The following ERC2 variants were observed in gnomAD, a reference collection of about 807,000 sequenced individuals.
The protein encoded by ERC2 is ERC protein 2.
A neutral mutation model predicts 114.8 loss-of-function variants in ERC2; 42 were observed. That is an observed-to-expected ratio of 0.37 (90% CI 0.29 to 0.47). ERC2 has a LOEUF of 0.47. Among genes scored for constraint, ERC2 ranks in the 20% least tolerant of loss-of-function variants. The pLI is 0.99. For missense variants in ERC2, 939 were observed against 1,150.7 expected, an observed-to-expected ratio of 0.82 and a Z score of 2.66; for synonymous variants, 454 against 425.5, an observed-to-expected ratio of 1.07 and a Z score of -0.82.
chr3:56,216,681 A>T (rs1360101533), intron 3 of ERC2, among the ~76,000 whole-genome samples: 2 of 152,190 alleles, frequency 1.3e-5, no homozygotes, highest in African/African-American at 4.8e-5. Context: ...TGGCAGAGAC[A>T]CAACAAAAAA....
chr3:55,675,241 A>G (rs944588757), intron 17 of ERC2, among the ~76,000 whole-genome samples: 1 of 152,220 alleles, frequency 6.6e-6, no homozygotes, highest in African/African-American at 2.4e-5. Context: ...ATACATTCCC[A>G]TCTCAAAGTC....
At position 55,598,565 on chromosome 3, in the gene ERC2, A is replaced by G. The variant is rs148960268; in HGVS notation, c.*39+85229T>C. Among the ~76,000 whole-genome samples the G allele has an allele frequency of 4.2e-3, 638 of 152,362 alleles. 4 individuals are homozygous for G. The highest frequency in any genetic ancestry group is 0.014 in the African/African-American group (589 of 41,588). ...TGCATAGTCAACTTGATTCTTTTGC[A>G]CTGCTTTGCAAGCTTTGCTCGAGAA... On this transcript the variant is annotated intron_variant, in intron 17 of 17. Coordinates refer to ENST00000288221, the MANE Select transcript of ERC2 (RefSeq NM_015576.3).
At chr3:56,210,764 T>C (rs1477965472) in intron 3 of ERC2, among the ~76,000 whole-genome samples, 1 of 152,202 alleles carries the variant, frequency 6.6e-6, no homozygotes, top group Non-Finnish European at 1.5e-5. Context: ...ATCCCTGATA[T>C]TCAATTAACA....
At chr3:56,023,735 AC>A (rs1314182793) in intron 7 of ERC2, among the ~76,000 whole-genome samples, 1 of 118,736 alleles carries the variant, frequency 8.4e-6, no homozygotes, top group Non-Finnish European at 1.9e-5. Context: ...TGTTGGCAAC[AC>A]CCCACATATT....
In ERC2 at chr3:56,309,688, A is replaced by G. The variant is rs574010032; in HGVS notation, c.658-13253T>C. On this transcript the variant is annotated intron_variant, in intron 2 of 17. Transcript: ENST00000288221. Reference sequence around the variant, plus strand: ...AAACAGGAAATAATAATTGTAACTCACTACAGGGTTCATACAAACACCACA... The same window carrying G: ...AAACAGGAAATAATAATTGTAACTCGCTACAGGGTTCATACAAACACCACA... Among the ~76,000 whole-genome samples the G allele has an allele frequency of 3.3e-5, 5 of 152,356 alleles. No individual in the cohort carries two copies. In the South Asian group the frequency reaches 1.0e-3, roughly 32 times the overall value.
intron 15 of ERC2, among the ~76,000 whole-genome samples, chr3:55,733,252 C>A (rs1175147651): frequency 6.6e-6 from 1 of 152,068 alleles, no homozygotes; most frequent in Non-Finnish European, 1.5e-5. Context: ...AGATGCACAG[C>A]TCCAAACAAA....
At chr3:55,611,672 C>T (rs2058914824) in intron 17 of ERC2, among the ~76,000 whole-genome samples, 2 of 152,114 alleles carry the variant, frequency 1.3e-5, no homozygotes, top group Admixed American at 1.3e-4. Context: ...CCATGCTGTC[C>T]CCTCAATCTC....
chr3:56,078,448 T>C (rs1576834538), intron 7 of ERC2, among the ~76,000 whole-genome samples: 1 of 152,316 alleles, frequency 6.6e-6, no homozygotes, highest in East Asian at 1.9e-4. Context: ...ACTCACTGGC[T>C]CTCAGAGTTT....
intron 12 of ERC2, among the ~76,000 whole-genome samples, chr3:55,958,193 A>G (rs537297583): frequency 4.6e-5 from 7 of 152,308 alleles, no homozygotes; most frequent in African/African-American, 1.4e-4. Context: ...AGCTCTCAGC[A>G]GGTAGCTCCT....
At position 55,987,437 on chromosome 3, in the gene ERC2, C is replaced by G. The variant is rs557365505; in HGVS notation, c.2256-1449G>C. Reference sequence around the variant, plus strand: ...AGGTGTCTGTGATGTCCGTGACCTTCCCCAAAAAGTTGCTAGGAATGGCAT... The same window carrying G: ...AGGTGTCTGTGATGTCCGTGACCTTGCCCAAAAAGTTGCTAGGAATGGCAT... On this transcript the variant is annotated intron_variant, in intron 11 of 17. Transcript: ENST00000288221. Among the ~76,000 whole-genome samples the G allele has an allele frequency of 6.4e-4, 97 of 152,334 alleles. 1 individual carries two copies. The highest frequency in any genetic ancestry group is 9.8e-4 in the Non-Finnish European group (67 of 68,042).
At chr3:56,011,148 T>C (rs961198697) in intron 8 of ERC2, among the ~76,000 whole-genome samples, 61 of 152,256 alleles carry the variant, frequency 4.0e-4, no homozygotes, top group African/African-American at 1.4e-3. Context: ...CCATTGTGTA[T>C]GTGATTTTCC....
chr3:55,639,021 C>G (rs754981116), intron 17 of ERC2, among the ~76,000 whole-genome samples: 4 of 152,182 alleles, frequency 2.6e-5, no homozygotes, highest in Non-Finnish European at 4.4e-5. Flanking sequence ...GCGTTGAGAA[C>G]ACCCTATAGA....
intron 14 of ERC2, among the ~76,000 whole-genome samples, chr3:55,865,645 C>T (rs567682402): frequency 1.6e-4 from 25 of 152,258 alleles, no homozygotes; most frequent in Non-Finnish European, 2.9e-4. Flanking sequence ...CCCTAGGCAA[C>T]CACTAATCCA....
intron 6 of ERC2, among the ~76,000 whole-genome samples, chr3:56,111,305 C>G (rs909695565): frequency 1.3e-5 from 2 of 150,802 alleles, no homozygotes; most frequent in Non-Finnish European, 3.0e-5. Context: ...CCCTCTTTCT[C>G]TCTCTCCCTC....
intron 2 of ERC2, among the ~76,000 whole-genome samples, chr3:56,362,968 G>C (rs977176777): frequency 1.3e-5 from 2 of 152,184 alleles, no homozygotes; most frequent in African/African-American, 4.8e-5. Flanking sequence ...TCTCCTTTGG[G>C]AGGGGTACAC....
At chr3:56,201,729 A>G (rs1339079929) in intron 3 of ERC2, among the ~76,000 whole-genome samples, 1 of 152,222 alleles carries the variant, frequency 6.6e-6, no homozygotes, top group Non-Finnish European at 1.5e-5. Context: ...ACACAAGACA[A>G]TATATAACTA....
chr3:56,120,962 G>A (rs1200569122), intron 6 of ERC2, among the ~76,000 whole-genome samples: 2 of 152,162 alleles, frequency 1.3e-5, no homozygotes, highest in Non-Finnish European at 2.9e-5. Flanking sequence ...GTTCCTGGAG[G>A]TAAAAGTACT....
intron 3 of ERC2, among the ~76,000 whole-genome samples, chr3:56,218,578 G>A (rs1575896601): frequency 6.6e-6 from 1 of 152,216 alleles, no homozygotes; most frequent in African/African-American, 2.4e-5. Flanking sequence ...AGAAGTCAGA[G>A]TGGCAATCCC....
intron 3 of ERC2, among the ~76,000 whole-genome samples, chr3:56,268,648 GTTATA>G (rs1279627998): frequency 1.3e-5 from 2 of 152,086 alleles, no homozygotes; most frequent in African/African-American, 2.4e-5. Flanking sequence ...TGTTTAATTT[GTTATA>G]TTATAGTAAG....
Sources: allele counts gnomAD v4.1 joint callset (sites outside exome capture counted in the v4.1 genomes callset), GRCh38; gene constraint gnomAD v4.1.1; transcripts MANE v1.5; gene names NCBI Gene and HGNC (gene_info 2026-07-23, HGNC 2026-07-21).